DNAJC13: variants seen among roughly 807,000 people sequenced by gnomAD.
DNAJC13 encodes the protein DnaJ heat shock protein family (Hsp40) member C13.
DNAJC13 carries 75 observed loss-of-function variants against 290.5 expected under a neutral mutation model. The observed-to-expected ratio is 0.26, with a 90% CI of 0.21 to 0.31. The LOEUF (loss-of-function observed/expected upper bound fraction) is 0.31, where lower values mean the gene tolerates loss of function less well. DNAJC13 is among the 10% of genes least tolerant of loss of function. The pLI, the probability that DNAJC13 is intolerant of heterozygous loss-of-function variation, is 1.00. For missense variants in DNAJC13, 2,260 were observed against 2,674.5 expected (o/e 0.85, Z 3.42); for synonymous variants, 862 against 892.0 (o/e 0.97, Z 0.60).
chr3:132,489,180 A>G (rs1365319665), intron 31 of DNAJC13, among the ~76,000 whole-genome samples, 159 bp downstream of exon 31: 1 of 152,174 alleles, frequency 6.6e-6, no homozygotes, highest in African/African-American at 2.4e-5. Context: ...TTGCACATAT[A>G]AAGTCTAAGC....
intron 48 of DNAJC13, among the ~76,000 whole-genome samples, chr3:132,521,886 T>C (rs1253823697): frequency 6.6e-6 from 1 of 152,192 alleles, no homozygotes; most frequent in Non-Finnish European, 1.5e-5. Context: ...ATTGCTTTTT[T>C]CCTCCAGAAA....
intron 29 of DNAJC13, 31 bp from the exon 30 acceptor site, chr3:132,488,267 A>G (rs1934948316): frequency 6.4e-7 from 1 of 1,553,852 alleles, no homozygotes; most frequent in Non-Finnish European, 8.7e-7. Flanking sequence ...GTTTTTTACA[A>G]CCCAATAAAA....
intron 48 of DNAJC13, among the ~76,000 whole-genome samples, chr3:132,519,515 A>G (rs946495480): frequency 6.6e-6 from 1 of 150,780 alleles, no homozygotes; most frequent in Admixed American, 6.6e-5. Context: ...TATTATAGGT[A>G]TGATTTTCAA....
At chr3:132,468,921 G>A (rs891315749) in intron 20 of DNAJC13, among the ~76,000 whole-genome samples, 2 of 152,152 alleles carry the variant, frequency 1.3e-5, no homozygotes, top group Non-Finnish European at 2.9e-5. Context: ...GACTTCATAT[G>A]TAACATTTAT....
At position 132,513,050 on chromosome 3, in the gene DNAJC13, C is replaced by A; in HGVS notation, c.5336C>A (p.Ser1779Tyr). 1.2e-6 allele frequency: 2 copies of A among 1,613,346 alleles called. No individual in the cohort carries two copies. The highest frequency in any genetic ancestry group is 1.7e-6 in the Non-Finnish European group (2 of 1,179,456). ...ATTGGGCACTTTAAGTTGATATTTT[C>A]TCTTCTCCGAGTTCATGGAGCTGGT... ...ECIGHFKLIF[S>Y]LLRVHGAGQV... The change falls in exon 45 of 56, where the codon TCT (serine) becomes TAT (tyrosine). Residue 1779 changes from serine to tyrosine, a missense_variant. By Grantham distance (144) the Ser-to-Tyr change is moderately radical. This residue lies in a region of DNAJC13 where 1,494 missense variants were observed against 1,693.7 expected (regional missense o/e 0.88). Coordinates refer to ENST00000260818, the MANE Select transcript of DNAJC13 (RefSeq NM_015268.4).
At chr3:132,433,936 G>A (rs1014010522) in intron 1 of DNAJC13, among the ~76,000 whole-genome samples, 3 of 152,164 alleles carry the variant, frequency 2.0e-5, no homozygotes, top group East Asian at 1.9e-4. Flanking sequence ...GGTCTTGACC[G>A]GGCGCTGTGG....
chr3:132,453,206 T>G, intron 6 of DNAJC13, 92 bp from the exon 7 acceptor site: 1 of 1,156,276 alleles, frequency 8.6e-7, no homozygotes, highest in Non-Finnish European at 1.2e-6. Context: ...TCTCTAGAAT[T>G]GCTACTTTAA....
At chr3:132,504,595 A>G (rs1440176730) in intron 41 of DNAJC13, among the ~76,000 whole-genome samples, 1 of 152,212 alleles carries the variant, frequency 6.6e-6, no homozygotes, top group Non-Finnish European at 1.5e-5. Context: ...CCTTTTGAAA[A>G]CAAGGCTTGC....
At chr3:132,439,880 A>G (rs1484568824) in intron 2 of DNAJC13, among the ~76,000 whole-genome samples, 1 of 152,216 alleles carries the variant, frequency 6.6e-6, no homozygotes, top group Non-Finnish European at 1.5e-5. Context: ...TCAAGTTTCC[A>G]CTACAGAGTA....
At chr3:132,471,980 C>T (rs1433052824) in intron 20 of DNAJC13, among the ~76,000 whole-genome samples, 5 of 148,228 alleles carry the variant, frequency 3.4e-5, no homozygotes, top group African/African-American at 1.2e-4. Flanking sequence ...GAACGAGACT[C>T]CGTCTGCAAT....
At chr3:132,536,115 G>GAA (rs1279621858) in intron 55 of DNAJC13, among the ~76,000 whole-genome samples, 1 of 152,138 alleles carries the variant, frequency 6.6e-6, no homozygotes, top group African/African-American at 2.4e-5. Context: ...CAAGCCAAAA[G>GAA]AAATACCTAA....
chr3:132,486,172 A>G (rs1221764031), intron 29 of DNAJC13, among the ~76,000 whole-genome samples: 1 of 134,704 alleles, frequency 7.4e-6, no homozygotes, highest in African/African-American at 2.9e-5. Flanking sequence ...TTTTGTGGAC[A>G]TTTCCATTCG....
chr3:132,420,126 AC>A (rs1269477446), intron 1 of DNAJC13, among the ~76,000 whole-genome samples: 1 of 152,240 alleles, frequency 6.6e-6, no homozygotes, highest in Non-Finnish European at 1.5e-5. Context: ...GTCTTCAGAC[AC>A]AACTGGACAA....
intron 45 of DNAJC13, among the ~76,000 whole-genome samples, 200 bp downstream of exon 45, chr3:132,513,299 G>A (rs746322908): frequency 1.6e-4 from 24 of 152,114 alleles, no homozygotes; most frequent in Admixed American, 5.9e-4. Context: ...GCACAATGTC[G>A]TTCTAAGTGG....
intron 26 of DNAJC13, among the ~76,000 whole-genome samples, chr3:132,481,601 A>C (rs898049224): frequency 2.0e-5 from 3 of 152,244 alleles, no homozygotes; most frequent in Non-Finnish European, 4.4e-5. Flanking sequence ...GACAAAGAAC[A>C]TAACCATGTT....
chr3:132,429,174 T>C (rs1005885591), intron 1 of DNAJC13, among the ~76,000 whole-genome samples: 1 of 152,236 alleles, frequency 6.6e-6, no homozygotes, highest in Non-Finnish European at 1.5e-5. Flanking sequence ...CTGCTTAAAA[T>C]TGTAGATTTC....
intron 25 of DNAJC13, 40 bp downstream of exon 25, chr3:132,479,329 C>T (rs1934586277): frequency 2.3e-6 from 3 of 1,327,410 alleles, no homozygotes; most frequent in East Asian, 4.6e-5. Context: ...ATTTCCAAGT[C>T]ATATAAGTAT....
intron 24 of DNAJC13, among the ~76,000 whole-genome samples, 175 bp downstream of exon 24, chr3:132,478,315 ATGGG>A (rs1295958558): frequency 6.6e-6 from 1 of 152,232 alleles, no homozygotes; most frequent in Non-Finnish European, 1.5e-5. Context: ...AAAATGAATA[ATGGG>A]TTAGAATTTG....
At chr3:132,517,821 CA>C (rs1935962802) in intron 48 of DNAJC13, among the ~76,000 whole-genome samples, 2 of 152,232 alleles carry the variant, frequency 1.3e-5, no homozygotes, top group African/African-American at 4.8e-5. Context: ...AAATTGGATT[CA>C]GTTGTTTTCT....
Sources: gnomAD v4.1 joint callset for allele counts (sites outside exome capture counted in the v4.1 genomes callset) on GRCh38, gnomAD v4.1.1 for gene constraint, gnomAD v4.1.1 regional missense constraint, MANE v1.5 for transcripts, NCBI Gene and HGNC (gene_info 2026-07-23, HGNC 2026-07-21) for gene names.